Variants in TWIST2 observed in about 807,000 individuals in gnomAD.
TWIST2 encodes the protein twist-related protein 2.
TWIST2 carries 1 observed loss-of-function variant against 11.6 expected under a neutral mutation model. The observed-to-expected ratio is 0.09, with a 90% CI of 0.03 to 0.41. The LOEUF is 0.41. Among genes scored for constraint, TWIST2 ranks in the 10% least tolerant of loss-of-function variants. The pLI, the probability that TWIST2 is intolerant of heterozygous loss-of-function variation, is 0.98. For missense variants in TWIST2, 168 were observed against 226.4 expected (o/e 0.74, Z 1.66); for synonymous variants, 87 against 96.6 (o/e 0.90, Z 0.58).
chr2:238,848,616 G>A lies in TWIST2; in HGVS notation c.401G>A (p.Ser134Asn), dbSNP rs1429121169. Residue 134 changes from serine to asparagine, a missense_variant, in exon 1 of 2, where the codon AGC becomes AAC. Physicochemically the swap from Ser to Asn is conservative, Grantham distance 46. This residue lies in a region of TWIST2 where 62 missense variants were observed against 75.3 expected (regional missense o/e 0.82). Coordinates refer to ENST00000612363, the MANE Select transcript of TWIST2 (RefSeq NM_001271893.4). Reference sequence around the variant, plus strand: ...ATGGACAATAAGATGACCAGCTGCAGCTACGTGGCCCACGAGCGCCTCAGC... The same window carrying A: ...ATGGACAATAAGATGACCAGCTGCAACTACGTGGCCCACGAGCGCCTCAGC... Reference protein sequence around the residue: ...DEMDNKMTSCSYVAHERLSYA... With the variant: ...DEMDNKMTSCNYVAHERLSYA... 1.3e-6 allele frequency: 2 copies of A among 1,550,436 alleles called. No individual in the cohort carries two copies. The highest frequency in any genetic ancestry group is 1.7e-6 in the Non-Finnish European group (2 of 1,154,008).
chr2:238,857,169 C>T (rs544698147), intron 1 of TWIST2, among the ~76,000 whole-genome samples: 194 of 152,164 alleles, frequency 1.3e-3, no homozygotes, highest in Non-Finnish European at 2.0e-3. Flanking sequence ...GCATGACGGG[C>T]GGGCCCTCCC....
At chr2:238,859,805 GCA>G (rs1559269040) in intron 1 of TWIST2, among the ~76,000 whole-genome samples, 1 of 152,108 alleles carries the variant, frequency 6.6e-6, no homozygotes, top group Admixed American at 6.5e-5. Context: ...ATGCATGCAC[GCA>G]CACGTGTGTC....
rs1216790854 is a variant in TWIST2, at chr2:238,905,944, C to CGT, written c.*36-3897_*36-3896insTG. On this transcript the variant is annotated intron_variant, in intron 1 of 1. Coordinates refer to ENST00000612363, the MANE Select transcript of TWIST2 (RefSeq NM_001271893.4). ...AGGTGTGCGTGTGCGCGTGTGTGTG[C>CGT]GCGCGCGTGTGTACGTGTGCGTGTG... 1.1e-4 allele frequency among the ~76,000 whole-genome samples: 15 copies of CGT among 142,442 alleles called. No individual in the cohort carries two copies. The East Asian group carries it at 2.7e-3, about 25-fold the overall frequency. The allele number at this position is 142,442 out of a possible 152,430, so 93.4% of individuals were successfully genotyped here. A position where few individuals can be genotyped will look rare whatever the true frequency, so the allele number is the denominator to read the frequency against.
chr2:238,859,573 CA>C (rs368480992), intron 1 of TWIST2, among the ~76,000 whole-genome samples: 36,210 of 144,726 alleles, frequency 0.25, 5,080 homozygotes, highest in Non-Finnish European at 0.34. Context: ...CTACTATCAC[CA>C]AAAAAAAAAA....
chr2:238,882,103 A>AG (rs1160239089), intron 1 of TWIST2, among the ~76,000 whole-genome samples: 10 of 151,836 alleles, frequency 6.6e-5, no homozygotes, highest in African/African-American at 2.4e-4. Context: ...GGTCTTATTT[A>AG]GGGGCACATG....
In TWIST2 at chr2:238,859,402, G is replaced by T. The variant is rs141426656; in HGVS notation, c.*35+10669G>T. Reference sequence around the variant, plus strand: ...GGCTTCTCGGGCTTCATGGGAGGGGGTGTCGGGGGTGAGTGCTGAACAGGT... The same window carrying T: ...GGCTTCTCGGGCTTCATGGGAGGGGTTGTCGGGGGTGAGTGCTGAACAGGT... On this transcript the variant is annotated intron_variant, in intron 1 of 1. Coordinates refer to ENST00000612363, the MANE Select transcript of TWIST2 (RefSeq NM_001271893.4). Among the ~76,000 whole-genome samples, 1,446 of 152,056 alleles carry T rather than the reference G, an allele frequency of 9.5e-3. 12 individuals are homozygous for T. Among genetic ancestry groups the T allele is most frequent in the Non-Finnish European group, 0.016 (1,116 of 67,980 alleles).
In TWIST2 at chr2:238,860,798, C is replaced by T. The variant is rs574756758; in HGVS notation, c.*35+12065C>T. ...ACCAAAAATACAAAAATTAGCCGGA[C>T]GAGGTGGTGGGCACCTGTAATCCCA... is the stretch of plus-strand genomic sequence containing the variant. On this transcript the variant is annotated intron_variant, in intron 1 of 1. Coordinates refer to ENST00000612363, the MANE Select transcript of TWIST2 (RefSeq NM_001271893.4). 1.4e-3 allele frequency among the ~76,000 whole-genome samples: 214 copies of T among 152,282 alleles called. 2 individuals are homozygous for T. Among genetic ancestry groups the T allele is most frequent in the African/African-American group, 4.6e-3 (191 of 41,544 alleles).
rs1005310796 is a variant in TWIST2, at chr2:238,867,629, C to T, written c.*35+18896C>T. On this transcript the variant is annotated intron_variant, in intron 1 of 1. Transcript: ENST00000612363. This position sits in a 1 kb window ranked among gnomAD's most constrained non-coding sequence, Gnocchi z 4.8. ...GAGGAGCTGTCAGCAAGCAGGCGTCCGAAGATTGAGATCACAGAGGGGTGG... is the reference window on the plus strand; with the variant it reads ...GAGGAGCTGTCAGCAAGCAGGCGTCTGAAGATTGAGATCACAGAGGGGTGG... 7.9e-5 allele frequency among the ~76,000 whole-genome samples: 12 copies of T among 152,196 alleles called. No individual in the cohort carries two copies. The highest frequency in any genetic ancestry group is 2.1e-4 in the South Asian group (1 of 4,816).
chr2:238,885,680 A>T (rs2106367109), intron 1 of TWIST2, among the ~76,000 whole-genome samples: 1 of 152,316 alleles, frequency 6.6e-6, no homozygotes, highest in South Asian at 2.1e-4. Context: ...CCCTGGGGAG[A>T]TGAAGGGAGT....
chr2:238,902,524 G>A (rs1218222938), intron 1 of TWIST2, among the ~76,000 whole-genome samples: 12 of 121,322 alleles, frequency 9.9e-5, no homozygotes, highest in African/African-American at 4.0e-4. Context: ...GATGTAGTAT[G>A]GGGTGTGTGT....
intron 1 of TWIST2, among the ~76,000 whole-genome samples, chr2:238,882,917 C>G (rs1176940643): frequency 6.6e-6 from 1 of 152,074 alleles, no homozygotes; most frequent in Non-Finnish European, 1.5e-5. Context: ...CCAGGTGTGC[C>G]CCCTGGATGG....
intron 1 of TWIST2, among the ~76,000 whole-genome samples, chr2:238,879,478 A>G (rs1574759754): frequency 6.6e-6 from 1 of 152,164 alleles, no homozygotes; most frequent in South Asian, 2.1e-4. Flanking sequence ...AGCCGGGACT[A>G]CCTGGCCACT....
intron 1 of TWIST2, among the ~76,000 whole-genome samples, chr2:238,880,204 TGTTA>T (rs1692886952): frequency 6.6e-6 from 1 of 151,794 alleles, no homozygotes; most frequent in African/African-American, 2.4e-5. Flanking sequence ...TTGGTGTTAC[TGTTA>T]GTATTAGTAT....
chr2:238,882,427 A>G (rs1692954177), intron 1 of TWIST2, among the ~76,000 whole-genome samples: 1 of 152,222 alleles, frequency 6.6e-6, no homozygotes, highest in Non-Finnish European at 1.5e-5. Context: ...TGCAGCCTGG[A>G]CAGAAATGCA....
intron 1 of TWIST2, among the ~76,000 whole-genome samples, chr2:238,861,532 G>T (rs1013357489): frequency 6.6e-6 from 1 of 152,096 alleles, no homozygotes; most frequent in Non-Finnish European, 1.5e-5. Flanking sequence ...ACCCTTAGGC[G>T]CCCGGTGGGG....
intron 1 of TWIST2, among the ~76,000 whole-genome samples, chr2:238,901,063 T>G (rs1299626181): frequency 6.8e-6 from 1 of 148,078 alleles, no homozygotes; most frequent in African/African-American, 2.5e-5. Flanking sequence ...CTGCAACTTC[T>G]GCCTCCCAGG....
chr2:238,891,934 T>C (rs1693141473), intron 1 of TWIST2, among the ~76,000 whole-genome samples: 1 of 152,200 alleles, frequency 6.6e-6, no homozygotes, highest in African/African-American at 2.4e-5. Context: ...GCTGTATTTG[T>C]GCACCTGCGC....
chr2:238,898,697 C>A (rs1264364306), intron 1 of TWIST2, among the ~76,000 whole-genome samples: 2 of 152,176 alleles, frequency 1.3e-5, no homozygotes, highest in African/African-American at 2.4e-5. Flanking sequence ...GAGAAGGCAC[C>A]CATGTCGGCC....
intron 1 of TWIST2, among the ~76,000 whole-genome samples, chr2:238,887,893 A>C (rs1693070107): frequency 1.3e-5 from 2 of 152,214 alleles, no homozygotes; most frequent in Admixed American, 1.3e-4. Flanking sequence ...TTGCAGCGTG[A>C]AGCCTAACTT....
Sources: allele counts gnomAD v4.1 joint callset (sites outside exome capture counted in the v4.1 genomes callset), GRCh38; gene constraint gnomAD v4.1.1; regional missense constraint gnomAD v4.1.1; non-coding constraint Gnocchi (gnomAD v3.1); transcripts MANE v1.5; gene names NCBI Gene and HGNC (gene_info 2026-07-23, HGNC 2026-07-21).